The following POLE variants were observed in gnomAD, a reference collection of about 807,000 sequenced individuals.
POLE encodes the protein DNA polymerase epsilon, catalytic subunit, also known as DNA polymerase epsilon catalytic subunit A.
POLE carries 188 observed loss-of-function variants against 279.2 expected under a neutral mutation model. The observed-to-expected ratio is 0.67, with a 90% confidence interval of 0.60 to 0.76. POLE has a LOEUF of 0.76. Ranked by LOEUF, POLE falls within the 30% of genes least tolerant of loss-of-function variation. The probability of loss-of-function intolerance (pLI) is 0.00; values close to 1 mark genes in which losing one functional copy is unlikely to be tolerated. For synonymous variants in POLE, 1,214 were observed against 1,172.5 expected, an observed-to-expected ratio of 1.04 and a Z score of -0.72; for missense variants, 2,703 against 3,016.7, an observed-to-expected ratio of 0.90 and a Z score of 2.44.
rs779820079 is a variant in POLE, at chr12:132,632,703, G to C, written c.6097C>G (p.Leu2033Val). 6 of 1,613,878 alleles carry C rather than the reference G, an allele frequency of 3.7e-6. No homozygotes were observed. Among genetic ancestry groups the C allele is most frequent in the Non-Finnish European group, 5.1e-6 (6 of 1,179,988 alleles). The stretch of plus-strand genomic sequence containing the variant: ...ACCGCCCCCTCGGCCTCCTGGGAGA[G>C]CTGGCTGGCCCCCCTCCTCCTCACG... ...TPVRRRGASQ[L>V]SQEAEGAVGA... Residue 2033 changes from leucine (L) to valine (V), a missense_variant, in exon 44 of 49, where the codon CTC becomes GTC. Physicochemically the swap from Leu to Val is conservative, Grantham distance 32. Coordinates refer to ENST00000320574, the MANE Select transcript of POLE (RefSeq NM_006231.4).
chr12:132,641,924 C>G, intron 38 of POLE, 73 bp from the exon 39 acceptor site: 1 of 1,397,676 alleles, frequency 7.2e-7, no homozygotes, highest in Admixed American at 1.7e-5. Flanking sequence ...GGCCTGACTC[C>G]AGCCACCACC....
At chr12:132,655,509 G>T (rs2042513632) in intron 29 of POLE, among the ~76,000 whole-genome samples, 1 of 152,126 alleles carries the variant, frequency 6.6e-6, no homozygotes, top group African/African-American at 2.4e-5. Flanking sequence ...TTAGTTGATT[G>T]TGTCATTCCA....
intron 38 of POLE, 135 bp downstream of exon 38, chr12:132,642,042 G>T: frequency 2.1e-6 from 2 of 957,412 alleles, no homozygotes; most frequent in Non-Finnish European, 3.2e-6. Context: ...CCCCAGGACC[G>T]TCTCCTGCAG....
At chr12:132,656,175 C>T (rs951435649) in intron 29 of POLE, among the ~76,000 whole-genome samples, 1 of 152,002 alleles carries the variant, frequency 6.6e-6, no homozygotes, top group Non-Finnish European at 1.5e-5. Flanking sequence ...GGCAGGAGAA[C>T]TGCTTAAACC....
chr12:132,653,618 G>A lies in POLE; in HGVS notation c.3582+3518C>T, dbSNP rs187868896. The stretch of plus-strand genomic sequence containing the variant: ...ACATTTTCTGTTAACAAATTACATC[G>A]CCTGTAAATAATAAGTTGATGTCTC... On this transcript the variant is annotated intron_variant, in intron 29 of 48. Transcript: ENST00000320574. Among the ~76,000 whole-genome samples the A allele has an allele frequency of 2.9e-4, 44 of 152,182 alleles. 1 individual carries two copies. The highest frequency in any genetic ancestry group is 1.8e-3 in the Admixed American group (28 of 15,288).
Position 132,668,323 on chromosome 12 carries a change from T to C in POLE, c.2173+33A>G. ...ACAGAAAGTGGGAGCAGGAGCCACA[T>C]CTTTACAGCCGTGACCATGCCCAGG... is the stretch of plus-strand genomic sequence containing the variant. On this transcript the variant is annotated intron_variant, in intron 19 of 48. Transcript: ENST00000320574. The surrounding 1 kb of genome is among the most constrained non-coding windows in gnomAD (Gnocchi z 4.0). The C allele has an allele frequency of 2.0e-6, 3 of 1,519,248 alleles. No individual in the cohort carries two copies. The highest frequency in any genetic ancestry group is 2.6e-6 in the Non-Finnish European group (3 of 1,133,428). 94.1% of individuals were successfully genotyped at this position (1,519,248 alleles called of 1,614,324 possible). A position where few individuals can be genotyped will look rare whatever the true frequency, so the allele number is the denominator to read the frequency against.
Position 132,669,012 on chromosome 12 carries a change from A to G in POLE, c.1795-73T>C, listed in dbSNP as rs1354671777. On this transcript the variant is annotated intron_variant, in intron 16 of 48. Transcript: ENST00000320574. ...CGTGTGCAGTTCACCAACCCCTTTT[A>G]GACATTCAGGAGAGGAAAAAGCTGA... The G allele has an allele frequency of 2.0e-6, 3 of 1,484,886 alleles. No homozygotes were observed. The African/African-American group carries it at 4.2e-5, about 21-fold the overall frequency. The allele number at this position is 1,484,886 out of a possible 1,614,324, so 92.0% of individuals were successfully genotyped here.
intron 45 of POLE, among the ~76,000 whole-genome samples, chr12:132,631,320 C>G (rs1034844602): frequency 1.3e-5 from 2 of 152,126 alleles, no homozygotes; most frequent in Admixed American, 1.3e-4. Context: ...TGTTTTCGGG[C>G]GGTGACTATC....
intron 47 of POLE, 142 bp downstream of exon 47, chr12:132,625,503 G>A: frequency 2.0e-6 from 2 of 1,025,308 alleles, no homozygotes; most frequent in Non-Finnish European, 3.0e-6. Context: ...TCAGGCTCAG[G>A]GCATGGACTG....
In POLE at chr12:132,657,983, G is replaced by T. The variant is rs756294117; in HGVS notation, c.3276-13C>A. On this transcript the variant is annotated splice_polypyrimidine_tract_variant and intron_variant, in intron 26 of 48. Transcript: ENST00000320574. ...AAGTGGGATGGCCCTGGGTAAGGAA[G>T]ACAGGCACACAGCTCAGTAACAGTG... is the stretch of plus-strand genomic sequence containing the variant. 16 of 1,540,778 alleles carry T rather than the reference G, an allele frequency of 1.0e-5. No individual in the cohort carries two copies. In the South Asian group the frequency reaches 1.8e-4, roughly 17 times the overall value.
chr12:132,678,482 T>C (rs2043105398), intron 6 of POLE, among the ~76,000 whole-genome samples: 1 of 150,600 alleles, frequency 6.6e-6, no homozygotes, highest in Admixed American at 6.6e-5. Flanking sequence ...GAGGCTGAGG[T>C]GAAAGGATCG....
At chr12:132,647,416 ATAATT>A (rs2042310987) in intron 32 of POLE, among the ~76,000 whole-genome samples, 2 of 152,146 alleles carry the variant, frequency 1.3e-5, no homozygotes, top group African/African-American at 4.8e-5. Flanking sequence ...AAAATTAAAA[ATAATT>A]TAAAGGGAAA....
intron 6 of POLE, 87 bp downstream of exon 6, chr12:132,679,410 A>G (rs2043119624): frequency 3.0e-6 from 4 of 1,313,866 alleles, no homozygotes; most frequent in Non-Finnish European, 4.2e-6. Context: ...CCAGCCATTA[A>G]GGTAACTTTG....
intron 32 of POLE, among the ~76,000 whole-genome samples, chr12:132,647,343 G>C (rs1042906194): frequency 6.6e-6 from 1 of 150,464 alleles, no homozygotes. Flanking sequence ...CTAATCCATA[G>C]TAATACTTTA....
Position 132,638,083 on chromosome 12 carries a change from C to T in POLE, c.5609G>A (p.Arg1870His), listed in dbSNP as rs758619238. 13 of 1,613,640 alleles carry T rather than the reference C, an allele frequency of 8.1e-6. No individual in the cohort carries two copies. Among genetic ancestry groups the T allele is most frequent in the African/African-American group, 5.3e-5 (4 of 74,830 alleles). Reference sequence around the variant, plus strand: ...GCGCTTCTTTGTACAGAGGATGATGCGGTTGAAGTTGGCGTAGATGACTGA... The same window carrying T: ...GCGCTTCTTTGTACAGAGGATGATGTGGTTGAAGTTGGCGTAGATGACTGA... Reference protein sequence around the residue: ...GSSVIYANFNRIILCTKKRRV... With the variant: ...GSSVIYANFNHIILCTKKRRV... The change falls in exon 41 of 49, where the codon CGC (arginine) becomes CAC (histidine). Residue 1870 changes from arginine to histidine, a missense_variant. Arg to His is a conservative substitution (Grantham distance 29). Around this residue, in one of 5 missense-constraint regions of POLE, gnomAD observed 1,551 missense variants for 1,686.1 expected, o/e 0.92. Coordinates refer to ENST00000320574, the MANE Select transcript of POLE (RefSeq NM_006231.4).
intron 43 of POLE, 134 bp from the exon 44 acceptor site, chr12:132,632,929 G>T: frequency 1.0e-6 from 1 of 959,492 alleles, no homozygotes; most frequent in East Asian, 2.5e-5. Context: ...TTTATCTGCA[G>T]CCTTTAGATG....
At position 132,675,673 on chromosome 12, in the gene POLE, AC is replaced by A. The variant is rs2043031196; in HGVS notation, c.1106+61del. The stretch of plus-strand genomic sequence containing the variant: ...AAGTCGACATGGGAAGCGCCCCTGC[AC>A]CACGCAACGCCCTCCCTCTCAAATG... On this transcript the variant is annotated intron_variant, in intron 11 of 48. Transcript: ENST00000320574. The surrounding 1 kb of genome is among the most constrained non-coding windows in gnomAD (Gnocchi z 4.3). 1.3e-6 allele frequency: 2 copies of A among 1,566,952 alleles called. No individual in the cohort carries two copies. Among genetic ancestry groups the A allele is most frequent in the Admixed American group, 3.3e-5 (2 of 59,918 alleles).
In POLE at chr12:132,679,986, CT is replaced by C; in HGVS notation, c.390del (p.Val131TrpfsTer18). 6.2e-7 allele frequency: 1 copy of C among 1,614,060 alleles called. No individual in the cohort carries two copies. Among genetic ancestry groups the C allele is most frequent in the Non-Finnish European group, 8.5e-7 (1 of 1,179,910 alleles). On this transcript the variant is annotated frameshift_variant, in exon 5 of 49. Coordinates refer to ENST00000320574, the MANE Select transcript of POLE (RefSeq NM_006231.4). LOFTEE classifies it high-confidence loss of function. The part of the protein sequence containing the change: ...LSKKFQGKIA[K>X]VETVPKEDLD... Reference sequence around the variant, plus strand: ...AGATCCTCTTTGGGGACAGTCTCCACTTTTGCAATTTTGCCCTGAAACTTCT... The same window carrying C: ...AGATCCTCTTTGGGGACAGTCTCCACTTTGCAATTTTGCCCTGAAACTTCT...
At chr12:132,648,846 G>T (rs2138594370) in intron 32 of POLE, 83 bp downstream of exon 32, 1 of 1,421,724 alleles carries the variant, frequency 7.0e-7, no homozygotes, top group Non-Finnish European at 9.6e-7. Flanking sequence ...TGAGGAGATG[G>T]AGGCTGGAGG....
Sources: gnomAD v4.1 joint callset for allele counts (sites outside exome capture counted in the v4.1 genomes callset) on GRCh38, gnomAD v4.1.1 for gene constraint, gnomAD v4.1.1 regional missense constraint, Gnocchi (gnomAD v3.1) non-coding constraint, MANE v1.5 for transcripts, NCBI Gene and HGNC (gene_info 2026-07-23, HGNC 2026-07-21) for gene names.